The following GRID1 variants were observed in gnomAD, a reference collection of about 807,000 sequenced individuals.
The protein encoded by GRID1 is glutamate ionotropic receptor delta type subunit 1, also known as glutamate receptor ionotropic, delta-1.
GRID1 carries 28 observed loss-of-function variants against 98.0 expected under a neutral mutation model. The ratio of observed to expected loss-of-function variants is 0.29; its 90% CI spans 0.21 to 0.39. The LOEUF (loss-of-function observed/expected upper bound fraction) is 0.39, where lower values mean the gene tolerates loss of function less well. Among genes scored for constraint, GRID1 ranks in the 10% least tolerant of loss-of-function variants. The pLI is 1.00. For synonymous variants in GRID1, 553 were observed against 538.5 expected (o/e 1.03, Z -0.37); for missense variants, 1,111 against 1,340.5 (o/e 0.83, Z 2.67).
intron 3 of GRID1, among the ~76,000 whole-genome samples, chr10:86,147,652 A>C (rs973230569): frequency 6.6e-6 from 1 of 152,178 alleles, no homozygotes; most frequent in South Asian, 2.1e-4. Flanking sequence ...AGAAGACTAA[A>C]ACTGGACACC....
chr10:86,138,719 A>G (rs1000178484), intron 4 of GRID1, 100 bp downstream of exon 4: 17 of 896,080 alleles, frequency 1.9e-5, no homozygotes, highest in Non-Finnish European at 3.0e-5. Context: ...ATGTCCGTTT[A>G]GGCCATGCGT....
At chr10:86,040,207 T>C (rs1240256564) in intron 4 of GRID1, among the ~76,000 whole-genome samples, 1 of 152,140 alleles carries the variant, frequency 6.6e-6, no homozygotes, top group Non-Finnish European at 1.5e-5. Context: ...AACTTAAAAA[T>C]AGATCTACTG....
At chr10:85,798,691 T>A (rs1842548328) in intron 8 of GRID1, among the ~76,000 whole-genome samples, 1 of 151,894 alleles carries the variant, frequency 6.6e-6, no homozygotes, top group African/African-American at 2.4e-5. Flanking sequence ...CTCTTGTTCA[T>A]TTTTAAATCA....
intron 2 of GRID1, among the ~76,000 whole-genome samples, chr10:86,299,382 G>A (rs182219441): frequency 2.7e-5 from 4 of 145,846 alleles, no homozygotes; most frequent in Non-Finnish European, 4.5e-5. Context: ...TGTGCACAAT[G>A]TGCAGGTTTG....
intron 4 of GRID1, among the ~76,000 whole-genome samples, chr10:86,057,401 G>A (rs1843589578): frequency 6.6e-6 from 1 of 152,186 alleles, no homozygotes; most frequent in Admixed American, 6.5e-5. Flanking sequence ...CTTCTGCAAT[G>A]GCCAGACATG....
chr10:85,658,628 G>C (rs931656409), intron 12 of GRID1, among the ~76,000 whole-genome samples: 1 of 152,174 alleles, frequency 6.6e-6, no homozygotes, highest in African/African-American at 2.4e-5. Context: ...AAAACACGGT[G>C]CTAGAATGAA....
At position 86,023,362 on chromosome 10, in the gene GRID1, C is replaced by T. The variant is rs1006674482; in HGVS notation, c.727-107123G>A. Among the ~76,000 whole-genome samples the T allele has an allele frequency of 5.3e-5, 8 of 152,276 alleles. No individual in the cohort carries two copies. In the East Asian group the frequency reaches 5.8e-4, roughly 11 times the overall value. The stretch of plus-strand genomic sequence containing the variant: ...CCTGTGCTTCACTGTAAGCCCTTAC[C>T]TCGTTGAACTCTCACAACCCCACAA... On this transcript the variant is annotated intron_variant, in intron 4 of 15. Coordinates refer to ENST00000327946, the MANE Select transcript of GRID1 (RefSeq NM_017551.3).
intron 8 of GRID1, among the ~76,000 whole-genome samples, chr10:85,806,118 AAAG>A (rs151309248): frequency 0.089 from 13,495 of 152,106 alleles, 724 homozygotes; most frequent in Middle Eastern, 0.17. Flanking sequence ...TAACTCAATC[AAAG>A]AAGACAAGCA....
At chr10:86,025,710 G>GC (rs1368279165) in intron 4 of GRID1, among the ~76,000 whole-genome samples, 1 of 152,206 alleles carries the variant, frequency 6.6e-6, no homozygotes, top group African/African-American at 2.4e-5. Context: ...TGATATCTGT[G>GC]CCCTGCACTG....
At chr10:85,952,099 C>A (rs10887538) in intron 4 of GRID1, among the ~76,000 whole-genome samples, 1 of 152,090 alleles carries the variant, frequency 6.6e-6, no homozygotes, top group Non-Finnish European at 1.5e-5. Flanking sequence ...ACAAGACTTA[C>A]GTCGATTCTC....
chr10:86,215,873 A>G (rs886183552), intron 2 of GRID1, among the ~76,000 whole-genome samples: 8 of 152,224 alleles, frequency 5.3e-5, no homozygotes, highest in African/African-American at 1.9e-4. Flanking sequence ...ACTGCAAGTG[A>G]TCAAAGTCCA....
intron 4 of GRID1, among the ~76,000 whole-genome samples, chr10:85,953,028 C>A (rs1328547518): frequency 2.6e-5 from 4 of 151,966 alleles, no homozygotes; most frequent in African/African-American, 9.7e-5. Context: ...GAGTATAATA[C>A]ATAATATGTA....
At chr10:85,732,937 T>C (rs561972894) in intron 8 of GRID1, among the ~76,000 whole-genome samples, 1 of 152,272 alleles carries the variant, frequency 6.6e-6, no homozygotes, top group East Asian at 1.9e-4. Context: ...GATATTTGTA[T>C]CTAGTTTTTC....
At chr10:86,117,602 TCACCACTATCAC>T (rs1844603204) in intron 4 of GRID1, among the ~76,000 whole-genome samples, 1 of 144,944 alleles carries the variant, frequency 6.9e-6, no homozygotes, top group South Asian at 2.2e-4. Flanking sequence ...ATCATTATCA[TCACCACTATCAC>T]CACCACCACC....
chr10:85,874,867 A>G (rs542982011), intron 5 of GRID1, among the ~76,000 whole-genome samples: 15 of 151,782 alleles, frequency 9.9e-5, no homozygotes, highest in Admixed American at 3.9e-4. Flanking sequence ...TATTTTATGT[A>G]TTTATTTATT....
intron 2 of GRID1, among the ~76,000 whole-genome samples, chr10:86,298,009 G>GC (rs1383679531): frequency 6.6e-6 from 1 of 152,170 alleles, no homozygotes; most frequent in Non-Finnish European, 1.5e-5. Flanking sequence ...CGTTACCATT[G>GC]CAAGTACCAT....
chr10:86,132,859 C>G (rs1844858910), intron 4 of GRID1, among the ~76,000 whole-genome samples: 1 of 152,242 alleles, frequency 6.6e-6, no homozygotes. Context: ...CAGGCACACT[C>G]CATGCCTGGG....
intron 2 of GRID1, among the ~76,000 whole-genome samples, chr10:86,211,275 A>C (rs996501504): frequency 2.6e-5 from 4 of 152,236 alleles, no homozygotes; most frequent in Non-Finnish European, 5.9e-5. Flanking sequence ...CTTTGCCTCC[A>C]TATTATATGG....
intron 13 of GRID1, among the ~76,000 whole-genome samples, chr10:85,639,906 A>G (rs1027567863): frequency 2.0e-5 from 3 of 152,208 alleles, no homozygotes; most frequent in Non-Finnish European, 4.4e-5. Context: ...TTTTTCTAAC[A>G]TATAGTAGAT....
Sources: gnomAD v4.1 joint callset for allele counts (sites outside exome capture counted in the v4.1 genomes callset) on GRCh38, gnomAD v4.1.1 for gene constraint, MANE v1.5 for transcripts, NCBI Gene and HGNC (gene_info 2026-07-23, HGNC 2026-07-21) for gene names.